EPHB1: variants seen among roughly 807,000 people sequenced by gnomAD.
The protein encoded by EPHB1 is ephrin type-B receptor 1.
Under a neutral mutation model 94.4 loss-of-function variants are expected in EPHB1, and 30 were observed. The observed-to-expected ratio is 0.32, with a 90% CI of 0.24 to 0.43. The LOEUF (loss-of-function observed/expected upper bound fraction) is 0.43. Ranked by LOEUF, EPHB1 falls within the 20% of genes least tolerant of loss-of-function variation. EPHB1 has a pLI of 1.00. For synonymous variants in EPHB1, 522 were observed against 489.1 expected (o/e 1.07, Z -0.89); for missense variants, 1,055 against 1,308.3 (o/e 0.81, Z 2.99).
At chr3:134,983,244 A>G (rs1385897672) in intron 3 of EPHB1, among the ~76,000 whole-genome samples, 1 of 152,162 alleles carries the variant, frequency 6.6e-6, no homozygotes, top group Non-Finnish European at 1.5e-5. Context: ...GTGTATGTCT[A>G]TGTGTGCATG....
intron 3 of EPHB1, among the ~76,000 whole-genome samples, chr3:135,071,034 T>G (rs1937688721): frequency 6.6e-6 from 1 of 152,210 alleles, no homozygotes; most frequent in South Asian, 2.1e-4. Flanking sequence ...CTCCTCAACC[T>G]GGAAGCTTTT....
At chr3:135,248,292 C>T (rs1417438148) in intron 13 of EPHB1, 24 bp from the exon 14 acceptor site, 2 of 1,545,096 alleles carry the variant, frequency 1.3e-6, no homozygotes, top group South Asian at 1.2e-5. Flanking sequence ...CTCAATCACA[C>T]CTGTTCCCTG....
chr3:134,882,490 GA>G (rs1335340526), intron 1 of EPHB1, among the ~76,000 whole-genome samples: 1 of 152,166 alleles, frequency 6.6e-6, no homozygotes, highest in Non-Finnish European at 1.5e-5. Context: ...AAAGAAAAGA[GA>G]ACAGAGGAAA....
At chr3:135,157,130 A>G (rs974055448) in intron 6 of EPHB1, among the ~76,000 whole-genome samples, 2 of 152,250 alleles carry the variant, frequency 1.3e-5, no homozygotes, top group Non-Finnish European at 2.9e-5. Context: ...AGTTAATAAA[A>G]CAAAAACCTT....
At chr3:135,149,359 A>G (rs1268052089) in intron 5 of EPHB1, among the ~76,000 whole-genome samples, 1 of 152,238 alleles carries the variant, frequency 6.6e-6, no homozygotes, top group Non-Finnish European at 1.5e-5. Flanking sequence ...TGAGGAATAT[A>G]GAGAAAAGAC....
intron 12 of EPHB1, among the ~76,000 whole-genome samples, chr3:135,223,284 T>TAC (rs1387149737): frequency 6.6e-6 from 1 of 152,230 alleles, no homozygotes; most frequent in Non-Finnish European, 1.5e-5. Context: ...AGGGCACTGC[T>TAC]GGGTACTGGG....
At chr3:135,154,470 TGCCAAC>T in intron 6 of EPHB1, 194 bp downstream of exon 6, 1 of 660,278 alleles carries the variant, frequency 1.5e-6, no homozygotes, top group South Asian at 2.3e-5. Flanking sequence ...GCACTTTCTG[TGCCAAC>T]TAAGGAGAGA....
intron 5 of EPHB1, among the ~76,000 whole-genome samples, chr3:135,147,138 T>C (rs1041247504): frequency 6.6e-6 from 1 of 152,182 alleles, no homozygotes; most frequent in Non-Finnish European, 1.5e-5. Context: ...ACAACAGCCC[T>C]TCTTTATTTC....
intron 1 of EPHB1, among the ~76,000 whole-genome samples, chr3:134,832,409 A>G (rs2036597081): frequency 6.6e-6 from 1 of 152,224 alleles, no homozygotes; most frequent in Non-Finnish European, 1.5e-5. Flanking sequence ...TCATGAGGCA[A>G]CTAAACTTCC....
In EPHB1 at chr3:135,217,505, G is replaced by A. The variant is rs537341380; in HGVS notation, c.2346+15816G>A. ...AGAGAGAGAGAGAGATGTGTGTAGT[G>A]TAGTTATGCACATGTTGTTACGCAA... On this transcript the variant is annotated intron_variant, in intron 12 of 15. Coordinates refer to ENST00000398015, the MANE Select transcript of EPHB1 (RefSeq NM_004441.5). 1.1e-4 allele frequency among the ~76,000 whole-genome samples: 17 copies of A among 151,956 alleles called. No homozygotes were observed. The East Asian group carries it at 3.3e-3, about 29-fold the overall frequency.
intron 2 of EPHB1, among the ~76,000 whole-genome samples, chr3:134,931,849 A>T (rs917191211): frequency 1.3e-5 from 2 of 152,156 alleles, no homozygotes; most frequent in African/African-American, 4.8e-5. Context: ...ATGTTTGTAC[A>T]TATGTATATA....
intron 3 of EPHB1, among the ~76,000 whole-genome samples, chr3:134,981,926 T>A (rs1263687497): frequency 6.6e-6 from 1 of 152,212 alleles, no homozygotes; most frequent in African/African-American, 2.4e-5. Flanking sequence ...TATTTAGTTA[T>A]TATTGAGCCC....
chr3:134,959,690 A>T (rs1933429106), intron 3 of EPHB1, among the ~76,000 whole-genome samples: 1 of 152,150 alleles, frequency 6.6e-6, no homozygotes, highest in South Asian at 2.1e-4. Context: ...GAACCAGCAG[A>T]TAATACACAG....
intron 3 of EPHB1, among the ~76,000 whole-genome samples, chr3:134,966,942 A>G (rs1465069126): frequency 6.6e-6 from 1 of 152,210 alleles, no homozygotes; most frequent in African/African-American, 2.4e-5. Flanking sequence ...TCTGGCCACC[A>G]CAGCAACCAG....
intron 13 of EPHB1, among the ~76,000 whole-genome samples, chr3:135,245,302 T>C (rs1943891697): frequency 6.6e-6 from 1 of 152,158 alleles, no homozygotes; most frequent in African/African-American, 2.4e-5. Context: ...CCCAAGGTTC[T>C]ATAGGTAATA....
Position 135,232,313 on chromosome 3 carries a change from T to C in EPHB1, c.2347-8835T>C, listed in dbSNP as rs143590030. Among the ~76,000 whole-genome samples, 840 of 152,372 alleles carry C rather than the reference T, an allele frequency of 5.5e-3. 8 individuals carry two copies. Among genetic ancestry groups the C allele is most frequent in the South Asian group, 8.5e-3 (41 of 4,834 alleles). On this transcript the variant is annotated intron_variant, in intron 12 of 15. Transcript: ENST00000398015. ...ACACTTGCAGCTCACTTTAGAGCAG[T>C]GCAGTAGACAGTGACTGTGGAACAG...
intron 12 of EPHB1, among the ~76,000 whole-genome samples, chr3:135,210,445 A>G (rs947860552): frequency 1.3e-5 from 2 of 152,218 alleles, no homozygotes; most frequent in African/African-American, 4.8e-5. Context: ...GAAACAAAAC[A>G]GTGCGTGCAA....
intron 6 of EPHB1, among the ~76,000 whole-genome samples, chr3:135,155,938 T>C (rs563170142): frequency 8.7e-4 from 132 of 151,984 alleles, no homozygotes; most frequent in Non-Finnish European, 1.5e-3. Context: ...GCCTAGTAGA[T>C]CTACAATTAT....
At chr3:134,811,919 A>G (rs2036187351) in intron 1 of EPHB1, among the ~76,000 whole-genome samples, 1 of 152,164 alleles carries the variant, frequency 6.6e-6, no homozygotes, top group African/African-American at 2.4e-5. Context: ...TGGATATCCT[A>G]GGGAGATCCA....
Sources: allele counts gnomAD v4.1 joint callset (sites outside exome capture counted in the v4.1 genomes callset), GRCh38; gene constraint gnomAD v4.1.1; transcripts MANE v1.5; gene names NCBI Gene and HGNC (gene_info 2026-07-23, HGNC 2026-07-21).